The following LRP1B variants were observed in gnomAD, a reference collection of about 807,000 sequenced individuals.
LRP1B encodes LDL receptor related protein 1B, also known as low-density lipoprotein receptor-related protein 1B.
In LRP1B, 217 loss-of-function variants were observed where a neutral mutation model predicts 556.6. That is an observed-to-expected ratio of 0.39 (90% CI 0.35 to 0.44). The LOEUF (loss-of-function observed/expected upper bound fraction) is 0.44, where lower values mean the gene tolerates loss of function less well. Ranked by LOEUF, LRP1B falls within the 20% of genes least tolerant of loss-of-function variation. LRP1B has a pLI of 1.00. For synonymous variants in LRP1B, 2,047 were observed against 1,865.8 expected, an observed-to-expected ratio of 1.10 and a Z score of -2.50; for missense variants, 5,053 against 5,620.8, an observed-to-expected ratio of 0.90 and a Z score of 3.23.
chr2:140,595,420 A>G (rs1424513246), intron 43 of LRP1B, among the ~76,000 whole-genome samples: 1 of 151,972 alleles, frequency 6.6e-6, no homozygotes, highest in Non-Finnish European at 1.5e-5. Flanking sequence ...CCTGTGTATG[A>G]ATTTTTGGCT....
At position 140,893,030 on chromosome 2, in the gene LRP1B, TA is replaced by T. The variant is rs557464894; in HGVS notation, c.3767-6696del. On this transcript the variant is annotated intron_variant, in intron 23 of 90. Coordinates refer to ENST00000389484, the MANE Select transcript of LRP1B (RefSeq NM_018557.3). ...AAGGAAGAGGGGTAGGCTTTCGAAA[TA>T]AAAGTAAAGAAAGAAAGAGAGACCC... 1.7e-3 allele frequency among the ~76,000 whole-genome samples: 265 copies of T among 151,810 alleles called. 1 individual carries two copies. The highest frequency in any genetic ancestry group is 6.2e-3 in the African/African-American group (257 of 41,402).
intron 41 of LRP1B, among the ~76,000 whole-genome samples, chr2:140,628,383 AT>A (rs537782384): frequency 5.2e-4 from 79 of 152,142 alleles, no homozygotes; most frequent in African/African-American, 1.8e-3. Context: ...CACAAAAAAA[AT>A]AAATTAGCCG....
intron 6 of LRP1B, among the ~76,000 whole-genome samples, chr2:141,208,950 C>T (rs1682418443): frequency 7.0e-6 from 1 of 143,442 alleles, no homozygotes; most frequent in Non-Finnish European, 1.5e-5. Context: ...AAGGCCTTCT[C>T]CCTGAGGCCT....
At chr2:141,785,055 T>A (rs2105648107) in intron 2 of LRP1B, among the ~76,000 whole-genome samples, 1 of 152,046 alleles carries the variant, frequency 6.6e-6, no homozygotes, top group African/African-American at 2.4e-5. Context: ...GATTTCCTTC[T>A]CCCTCCTAAC....
chr2:141,982,490 TACC>T, intron 1 of LRP1B, among the ~76,000 whole-genome samples: 1 of 152,236 alleles, frequency 6.6e-6, no homozygotes, highest in African/African-American at 2.4e-5. Context: ...ACAGTGCAAA[TACC>T]ACTGCCCACT....
At chr2:140,851,304 C>A (rs1030580570) in intron 28 of LRP1B, among the ~76,000 whole-genome samples, 1 of 152,042 alleles carries the variant, frequency 6.6e-6, no homozygotes, top group Non-Finnish European at 1.5e-5. Flanking sequence ...CTTTGTTATG[C>A]AGGTTACCTA....
intron 7 of LRP1B, among the ~76,000 whole-genome samples, chr2:141,077,656 T>TC (rs1228918314): frequency 6.6e-6 from 1 of 152,170 alleles, no homozygotes; most frequent in African/African-American, 2.4e-5. Context: ...AACTGTGATT[T>TC]CCCCCGAGGA....
chr2:141,897,688 G>A (rs537737565), intron 1 of LRP1B, among the ~76,000 whole-genome samples: 5 of 152,162 alleles, frequency 3.3e-5, no homozygotes, highest in Admixed American at 6.6e-5. Flanking sequence ...ACTGCTTTTT[G>A]GTGTGGAAAA....
chr2:141,232,557 G>A (rs997693844), intron 5 of LRP1B, among the ~76,000 whole-genome samples: 10 of 152,170 alleles, frequency 6.6e-5, no homozygotes, highest in South Asian at 6.2e-4. Flanking sequence ...ATGCAAATGG[G>A]TTCATGGTTA....
At chr2:141,322,569 C>T (rs914755321) in intron 3 of LRP1B, among the ~76,000 whole-genome samples, 6 of 151,988 alleles carry the variant, frequency 3.9e-5, no homozygotes, top group Admixed American at 6.6e-5. Context: ...TATGGACCAT[C>T]CTTTGCACAA....
At chr2:141,071,460 C>G (rs1470004807) in intron 7 of LRP1B, among the ~76,000 whole-genome samples, 1 of 152,106 alleles carries the variant, frequency 6.6e-6, no homozygotes, top group Non-Finnish European at 1.5e-5. Flanking sequence ...CAGGGATGCC[C>G]TCTCTCACCA....
rs1692086743 is a variant in LRP1B at position 140,840,984 on chromosome 2, G to T, written c.5048C>A (p.Ser1683Tyr). 1 of 1,613,156 alleles carries T rather than the reference G, an allele frequency of 6.2e-7. No homozygotes were observed. The highest frequency in any genetic ancestry group is 1.3e-5 in the African/African-American group (1 of 74,848). Residue 1683 changes from serine to tyrosine, a missense_variant, in exon 30 of 91, where the codon TCT becomes TAT. Transcript: ENST00000389484. ...TQINVARLDG[S>Y]LKTSIIHGID... ...TCCATGGATAATTGAGGTTTTCAAA[G>T]AGCCATCTAGCCTTGCCACATTAAT...
At chr2:140,513,665 C>A (rs1486325465) in intron 51 of LRP1B, among the ~76,000 whole-genome samples, 1 of 98,772 alleles carries the variant, frequency 1.0e-5, no homozygotes. Context: ...CTAAAGAGAA[C>A]TTCAGTTGAG....
chr2:140,646,252 TC>T (rs1684480493), intron 41 of LRP1B, among the ~76,000 whole-genome samples: 1 of 152,176 alleles, frequency 6.6e-6, no homozygotes, highest in South Asian at 2.1e-4. Flanking sequence ...TGATAATCCT[TC>T]TAGGAAAGTG....
intron 6 of LRP1B, among the ~76,000 whole-genome samples, chr2:141,200,195 CTAGA>C (rs1681946294): frequency 6.6e-6 from 1 of 152,100 alleles, no homozygotes. Context: ...CACTGGTAGA[CTAGA>C]TAAAGGAAAT....
intron 1 of LRP1B, among the ~76,000 whole-genome samples, chr2:141,978,992 G>A (rs1406138026): frequency 2.6e-5 from 4 of 151,656 alleles, no homozygotes; most frequent in South Asian, 2.1e-4. Flanking sequence ...AATTAAACAG[G>A]TAAGTCTGGC....
intron 60 of LRP1B, among the ~76,000 whole-genome samples, chr2:140,461,992 T>A (rs1687345103): frequency 6.6e-6 from 1 of 152,198 alleles, no homozygotes; most frequent in Non-Finnish European, 1.5e-5. Flanking sequence ...ACTTGAGTTA[T>A]AAAGAGTTTA....
At chr2:141,418,209 T>C (rs1036606569) in intron 3 of LRP1B, among the ~76,000 whole-genome samples, 1 of 152,204 alleles carries the variant, frequency 6.6e-6, no homozygotes, top group African/African-American at 2.4e-5. Context: ...CTGTTGATTG[T>C]TTCCTTGGTT....
At chr2:140,419,998 ACT>A (rs1414622506) in intron 66 of LRP1B, among the ~76,000 whole-genome samples, 1 of 147,560 alleles carries the variant, frequency 6.8e-6, no homozygotes, top group Admixed American at 6.9e-5. Flanking sequence ...ACAGAGTGAG[ACT>A]CTGTCATAAA....
Sources: allele counts gnomAD v4.1 joint callset (sites outside exome capture counted in the v4.1 genomes callset), GRCh38; gene constraint gnomAD v4.1.1; transcripts MANE v1.5; gene names NCBI Gene and HGNC (gene_info 2026-07-23, HGNC 2026-07-21).